Variants in SMYD4 observed in about 807,000 individuals in gnomAD.
The protein encoded by SMYD4 is SET and MYND domain containing 4.
Under a neutral mutation model 72.8 loss-of-function variants are expected in SMYD4, and 68 were observed. The observed-to-expected ratio is 0.93, with a 90% confidence interval of 0.77 to 1.14. The LOEUF is 1.14. Ranked by LOEUF, SMYD4 falls within the 50% of genes most tolerant of loss-of-function variation. The pLI, the probability that SMYD4 is intolerant of heterozygous loss-of-function variation, is 0.00. For synonymous variants in SMYD4, 407 were observed against 388.6 expected, an observed-to-expected ratio of 1.05 and a Z score of -0.56; for missense variants, 984 against 1,003.7, an observed-to-expected ratio of 0.98 and a Z score of 0.27.
chr17:1,798,157 G>C (rs1375824340), intron 5 of SMYD4, among the ~76,000 whole-genome samples: 2 of 139,384 alleles, frequency 1.4e-5, no homozygotes, highest in East Asian at 4.3e-4. Context: ...TTTTTCTCTT[G>C]AGACAGGGTT....
chr17:1,800,819 T>C lies in SMYD4; in HGVS notation c.575A>G (p.His192Arg), dbSNP rs780699175. Reference protein sequence around the residue: ...VLPQTLQRNLHRLKMKMQEKD... With the variant: ...VLPQTLQRNLRRLKMKMQEKD... Reference sequence around the variant, plus strand: ...TTCTTGCATCTTCATTTTCAGACGATGGAGGTTTCTCTGCAGAGTCTGAGG... The same window carrying C: ...TTCTTGCATCTTCATTTTCAGACGACGGAGGTTTCTCTGCAGAGTCTGAGG... Residue 192 changes from histidine to arginine, a missense_variant, in exon 5 of 11, where the codon CAT (histidine) becomes CGT (arginine). Transcript: ENST00000305513. The C allele has an allele frequency of 2.2e-5, 36 of 1,614,098 alleles. 1 individual carries two copies. The highest frequency in any genetic ancestry group is 2.5e-5 in the Non-Finnish European group (30 of 1,180,050).
chr17:1,803,634 G>A (rs2079030491), intron 4 of SMYD4, among the ~76,000 whole-genome samples: 1 of 151,980 alleles, frequency 6.6e-6, no homozygotes, highest in Non-Finnish European at 1.5e-5. Flanking sequence ...TGAGTAGCTG[G>A]GATTACAGGC....
intron 10 of SMYD4, chr17:1,782,832 T>C: frequency 3.3e-6 from 2 of 600,426 alleles, no homozygotes; most frequent in Non-Finnish European, 5.2e-6. Context: ...AGTGGCGCGA[T>C]CTTGGCTCAC....
chr17:1,817,529 C>G (rs1402785258), intron 2 of SMYD4, among the ~76,000 whole-genome samples: 1 of 149,692 alleles, frequency 6.7e-6, no homozygotes, highest in Non-Finnish European at 1.5e-5. Flanking sequence ...GAGACGGGGT[C>G]TCACTTGTTG....
intron 5 of SMYD4, among the ~76,000 whole-genome samples, chr17:1,789,216 T>C (rs528279901): frequency 2.0e-5 from 3 of 150,902 alleles, no homozygotes; most frequent in Admixed American, 2.0e-4. Context: ...GGCAAAACCC[T>C]GTCTCTACTA....
At chr17:1,792,118 G>C (rs1013121173) in intron 5 of SMYD4, among the ~76,000 whole-genome samples, 1 of 151,652 alleles carries the variant, frequency 6.6e-6, no homozygotes, top group Non-Finnish European at 1.5e-5. Context: ...TCGCGGCTCA[G>C]TGCAAGCTCC....
At chr17:1,816,358 G>A (rs921460428) in intron 2 of SMYD4, among the ~76,000 whole-genome samples, 1 of 151,800 alleles carries the variant, frequency 6.6e-6, no homozygotes, top group Admixed American at 6.6e-5. Flanking sequence ...GGTGGCTCAC[G>A]CCTGTAATCC....
chr17:1,781,649 C>A, intron 10 of SMYD4: 1 of 410,754 alleles, frequency 2.4e-6, no homozygotes. Context: ...CGCCAGGATC[C>A]TGAGAACACG....
At chr17:1,812,927 A>G (rs1347612420) in intron 2 of SMYD4, among the ~76,000 whole-genome samples, 1 of 140,240 alleles carries the variant, frequency 7.1e-6, no homozygotes, top group Non-Finnish European at 1.5e-5. Flanking sequence ...CATCCCTCGG[A>G]TCATACATCA....
chr17:1,791,116 C>CAAAAAAAA (rs56079708), intron 5 of SMYD4, among the ~76,000 whole-genome samples: 4 of 86,654 alleles, frequency 4.6e-5, no homozygotes, highest in Non-Finnish European at 8.9e-5. Context: ...TGGCCCGTCT[C>CAAAAAAAA]AAAAAAAAAA....
chr17:1,811,267 C>T (rs1910315540), intron 3 of SMYD4, among the ~76,000 whole-genome samples: 1 of 152,200 alleles, frequency 6.6e-6, no homozygotes, highest in African/African-American at 2.4e-5. Flanking sequence ...ACACCTCCAT[C>T]GCACGCCCTG....
rs1468819733 is a variant in SMYD4 at position 1,784,937 on chromosome 17, A to G, written c.1885-476T>C. ...GGTGCCCACCACCAAGCCCGGCTAA[A>G]TTTTTGTGTGTGTTATTTATTTTTT... is the stretch of plus-strand genomic sequence containing the variant. On this transcript the variant is annotated intron_variant, in intron 7 of 10. Coordinates refer to ENST00000305513, the MANE Select transcript of SMYD4 (RefSeq NM_052928.3). Among the ~76,000 whole-genome samples, 4 of 145,856 alleles carry G rather than the reference A, an allele frequency of 2.7e-5. No homozygotes were observed. The Admixed American group carries it at 2.8e-4, about 10-fold the overall frequency.
Position 1,787,544 on chromosome 17 carries a change from G to C in SMYD4, c.1598C>G (p.Pro533Arg). The C allele has an allele frequency of 6.3e-7, 1 of 1,595,602 alleles. No homozygotes were observed. Among genetic ancestry groups the C allele is most frequent in the Non-Finnish European group, 8.5e-7 (1 of 1,171,210 alleles). The change falls in exon 6 of 11, where the codon CCT becomes CGT. Residue 533 changes from proline to arginine, a missense_variant. By Grantham distance (103) the Pro-to-Arg change is moderately radical. Coordinates refer to ENST00000305513, the MANE Select transcript of SMYD4 (RefSeq NM_052928.3). ...RQVRLATGIF[P>R]VISLLNHSCS... ...GGAGTGGTTCAGGAGGCTGATAACA[G>C]GGAAGATGCCTGTGGCAAGGCGCAC...
At chr17:1,827,145 C>A (rs1450420124) in intron 2 of SMYD4, among the ~76,000 whole-genome samples, 29 of 147,930 alleles carry the variant, frequency 2.0e-4, no homozygotes, top group Non-Finnish European at 3.3e-4. Context: ...AGAGTGAGAC[C>A]CTGTGTCAAA....
Position 1,804,649 on chromosome 17 carries a change from G to A in SMYD4, c.346C>T (p.Leu116Phe). 2 of 1,613,662 alleles carry A rather than the reference G, an allele frequency of 1.2e-6. No homozygotes were observed. Among genetic ancestry groups the A allele is most frequent in the Non-Finnish European group, 1.7e-6 (2 of 1,179,732 alleles). Residue 116 changes from leucine (L) to phenylalanine (F), a missense_variant, in exon 4 of 11, where the codon CTC (leucine) becomes TTC (phenylalanine). Coordinates refer to ENST00000305513, the MANE Select transcript of SMYD4 (RefSeq NM_052928.3). ...ACCTCATACTGACCCAGGTGGAAGA[G>A]GGCTGCCGAGCGGTTAGCATGACAC... ...SLCHANRSAA[L>F]FHLGQYETCL...
intron 9 of SMYD4, 66 bp downstream of exon 9, chr17:1,783,294 C>T (rs961355334): frequency 1.1e-5 from 17 of 1,610,264 alleles, no homozygotes; most frequent in Admixed American, 3.3e-5. Flanking sequence ...CAGACAAGGC[C>T]GGGGCCACGG....
At chr17:1,798,192 G>A (rs1226836622) in intron 5 of SMYD4, among the ~76,000 whole-genome samples, 2 of 149,864 alleles carry the variant, frequency 1.3e-5, no homozygotes, top group Non-Finnish European at 3.0e-5. Flanking sequence ...GTGCATCGGT[G>A]CGATCATGGC....
At chr17:1,814,325 C>T (rs560423154) in intron 2 of SMYD4, among the ~76,000 whole-genome samples, 3 of 152,140 alleles carry the variant, frequency 2.0e-5, no homozygotes, top group African/African-American at 7.2e-5. Context: ...AAAACAACAA[C>T]AAAAAGCCCT....
At chr17:1,791,116 CAAAAAAAAA>C (rs56079708) in intron 5 of SMYD4, among the ~76,000 whole-genome samples, 2 of 86,648 alleles carry the variant, frequency 2.3e-5, no homozygotes, top group Non-Finnish European at 4.4e-5. Context: ...TGGCCCGTCT[CAAAAAAAAA>C]AAAAAAAAAA....
Sources: gnomAD v4.1 joint callset for allele counts (sites outside exome capture counted in the v4.1 genomes callset) on GRCh38, gnomAD v4.1.1 for gene constraint, MANE v1.5 for transcripts, NCBI Gene and HGNC (gene_info 2026-07-23, HGNC 2026-07-21) for gene names.